The following ABR variants were observed in gnomAD, a reference collection of about 807,000 sequenced individuals.
ABR encodes the protein active breakpoint cluster region-related protein.
A neutral mutation model predicts 107.2 loss-of-function variants in ABR; 35 were observed. The ratio of observed to expected loss-of-function variants is 0.33; its 90% CI spans 0.25 to 0.43. The LOEUF is 0.43. Among genes scored for constraint, ABR ranks in the 20% least tolerant of loss-of-function variants. ABR has a pLI of 1.00. For missense variants in ABR, 815 were observed against 1,115.2 expected (o/e 0.73, Z 3.83); for synonymous variants, 498 against 462.0 (o/e 1.08, Z -1.00).
rs1490723125 is a variant in ABR at position 1,050,279 on chromosome 17, A to C, written c.1660-98T>G. 2.1e-6 allele frequency: 3 copies of C among 1,453,356 alleles called. No homozygotes were observed. Among genetic ancestry groups the C allele is most frequent in the Non-Finnish European group, 2.8e-6 (3 of 1,077,948 alleles). 90.0% of individuals were successfully genotyped at this position (1,453,356 alleles called of 1,614,324 possible). A position where few individuals can be genotyped will look rare whatever the true frequency, so the allele number is the denominator to read the frequency against. ...TCAGCTTTGCAAGGAGGAGGGAGTA[A>C]GCACGGCCCACGAAGGACACGTCAG... On this transcript the variant is annotated intron_variant, in intron 15 of 22. Transcript: ENST00000302538. The surrounding 1 kb of genome is among the most constrained non-coding windows in gnomAD (Gnocchi z 4.6).
chr17:1,145,995 C>G (rs190331124), intron 1 of ABR, among the ~76,000 whole-genome samples: 13 of 152,316 alleles, frequency 8.5e-5, no homozygotes, highest in Non-Finnish European at 1.2e-4. Context: ...TACTGTTGAA[C>G]TGGGCTGTCA....
chr17:1,038,967 G>C (rs4968080), intron 16 of ABR, among the ~76,000 whole-genome samples: 28 of 152,154 alleles, frequency 1.8e-4, no homozygotes, highest in Non-Finnish European at 4.1e-4. Context: ...TGCGGCTTTC[G>C]CCTCGGCGAG....
intron 1 of ABR, among the ~76,000 whole-genome samples, chr17:1,176,448 T>C (rs929013445): frequency 6.6e-6 from 1 of 152,238 alleles, no homozygotes; most frequent in Non-Finnish European, 1.5e-5. Context: ...CTCAGCCATT[T>C]GTTACTTATG....
At chr17:1,205,732 C>T (rs2042775871) in intron 1 of ABR, among the ~76,000 whole-genome samples, 1 of 152,222 alleles carries the variant, frequency 6.6e-6, no homozygotes. Flanking sequence ...ATCACAAGAT[C>T]AAGAGACGGA....
intron 1 of ABR, among the ~76,000 whole-genome samples, chr17:1,204,937 G>A (rs1381661886): frequency 5.3e-5 from 6 of 113,888 alleles, no homozygotes; most frequent in South Asian, 3.0e-4. Context: ...TGAGTCTCGC[G>A]CTATCACCCA....
At chr17:1,189,963 G>A (rs2042396835), upstream of ABR, among the ~76,000 whole-genome samples, 1 of 152,222 alleles carries the variant, frequency 6.6e-6, no homozygotes, top group Admixed American at 6.5e-5. Context: ...GAATGAGGCA[G>A]TACAGGTGTT....
Position 1,037,339 on chromosome 17 carries a change from CCTCTGCCTGACCTCCAGCCTCT to C in ABR, c.1791+12689_1791+12710del, listed in dbSNP as rs1461424790. 6.6e-6 allele frequency among the ~76,000 whole-genome samples: 1 copy of C among 152,174 alleles called. No individual in the cohort carries two copies. The highest frequency in any genetic ancestry group is 1.9e-4 in the East Asian group (1 of 5,184). ...CTGCTTCTCACACAGCTCCAGCCTC[CCTCTGCCTGACCTCCAGCCTCT>C]CTCTGGCCACGTCAGGCTGGTGTCG... On this transcript the variant is annotated intron_variant, in intron 16 of 22. Coordinates refer to ENST00000302538, the MANE Select transcript of ABR (RefSeq NM_021962.5). This position sits in a 1 kb window ranked among gnomAD's most constrained non-coding sequence, Gnocchi z 4.6.
At chr17:1,178,826 T>C (rs1386076990) in intron 1 of ABR, among the ~76,000 whole-genome samples, 1 of 145,284 alleles carries the variant, frequency 6.9e-6, no homozygotes, top group Non-Finnish European at 1.5e-5. Context: ...GCGGTGCCTT[T>C]CTAGCAACGG....
Position 1,171,462 on chromosome 17 carries a change from C to A in ABR, c.61+8205G>T, listed in dbSNP as rs185706644. On this transcript the variant is annotated intron_variant, in intron 1 of 22. Coordinates refer to ENST00000302538, the MANE Select transcript of ABR (RefSeq NM_021962.5). ...CCCGGGGAGTCCAGCAGCCAAGCTG[C>A]CCGGAGTGACAAGGACTCTGAGCTT... 3.7e-3 allele frequency among the ~76,000 whole-genome samples: 562 copies of A among 152,298 alleles called. 3 individuals are homozygous for A. Among genetic ancestry groups the A allele is most frequent in the African/African-American group, 0.013 (532 of 41,562 alleles).
intron 6 of ABR, 86 bp from the exon 7 acceptor site, chr17:1,073,763 C>T (rs977636353): frequency 1.0e-5 from 13 of 1,256,980 alleles, no homozygotes; most frequent in African/African-American, 3.0e-5. Context: ...TCCCCCCACC[C>T]GCATGCTTCC....
At chr17:1,170,013 G>A (rs1006940022) in intron 1 of ABR, among the ~76,000 whole-genome samples, 1 of 137,514 alleles carries the variant, frequency 7.3e-6, no homozygotes, top group African/African-American at 2.8e-5. Flanking sequence ...TGTGTGGGGG[G>A]GGGGTGTGTT....
At chr17:1,072,808 G>T in intron 7 of ABR, 54 bp from the exon 8 acceptor site, 1 of 1,579,202 alleles carries the variant, frequency 6.3e-7, no homozygotes, top group South Asian at 1.2e-5. Flanking sequence ...CCTGATGTGT[G>T]GCCACCGGGG....
chr17:1,097,180 G>A (rs968094174), intron 3 of ABR, among the ~76,000 whole-genome samples: 1 of 152,122 alleles, frequency 6.6e-6, no homozygotes, highest in Non-Finnish European at 1.5e-5. Flanking sequence ...GGGGACAGGC[G>A]CCACTCCCTC....
intron 16 of ABR, among the ~76,000 whole-genome samples, chr17:1,030,162 T>C (rs1281942064): frequency 6.6e-6 from 1 of 152,208 alleles, no homozygotes; most frequent in Non-Finnish European, 1.5e-5. Context: ...AAGGAATTCT[T>C]GAAGGGGCTT....
rs1422389437 is a variant in ABR at position 1,148,303 on chromosome 17, G to C, written c.62-22936C>G. On this transcript the variant is annotated intron_variant, in intron 1 of 22. Transcript: ENST00000302538. The surrounding 1 kb of genome is among the most constrained non-coding windows in gnomAD (Gnocchi z 4.9). ...CCAATTCTGACATCGATGAACCTTG[G>C]GGGCATTAGGCTACGTGAAAGAAGC... 6.6e-6 allele frequency among the ~76,000 whole-genome samples: 1 copy of C among 152,170 alleles called. No homozygotes were observed. The highest frequency in any genetic ancestry group is 1.5e-5 in the Non-Finnish European group (1 of 68,036).
At chr17:1,198,456 G>C (rs950031781) in intron 1 of ABR, among the ~76,000 whole-genome samples, 2 of 151,464 alleles carry the variant, frequency 1.3e-5, no homozygotes, top group African/African-American at 4.9e-5. Flanking sequence ...AAGCTGCCTG[G>C]TTCCGGCCAG....
intron 1 of ABR, among the ~76,000 whole-genome samples, chr17:1,166,229 T>C (rs910214816): frequency 2.0e-5 from 3 of 152,130 alleles, no homozygotes; most frequent in African/African-American, 4.8e-5. Context: ...TCCACGCGGC[T>C]GCAAGGCTGA....
intron 1 of ABR, among the ~76,000 whole-genome samples, chr17:1,204,581 C>G (rs2042751552): frequency 6.6e-6 from 1 of 152,200 alleles, no homozygotes; most frequent in Non-Finnish European, 1.5e-5. Flanking sequence ...CTTTTGTACG[C>G]TTAGACGTGT....
Position 1,078,152 on chromosome 17 carries a change from C to T in ABR, c.700+1178G>A, listed in dbSNP as rs1409425507. ...GTGTGACCTTCACAGAGTAGCTTGC[C>T]ACACCCCTCTCCCGCTGGCCCTGCC... On this transcript the variant is annotated intron_variant, in intron 6 of 22. Coordinates refer to ENST00000302538, the MANE Select transcript of ABR (RefSeq NM_021962.5). This position sits in a 1 kb window ranked among gnomAD's most constrained non-coding sequence, Gnocchi z 7.5. Among the ~76,000 whole-genome samples, 1 of 151,460 alleles carries T rather than the reference C, an allele frequency of 6.6e-6. No individual in the cohort carries two copies. The highest frequency in any genetic ancestry group is 2.4e-5 in the African/African-American group (1 of 41,348).
Sources: allele counts gnomAD v4.1 joint callset (sites outside exome capture counted in the v4.1 genomes callset), GRCh38; gene constraint gnomAD v4.1.1; non-coding constraint Gnocchi (gnomAD v3.1); transcripts MANE v1.5; gene names NCBI Gene and HGNC (gene_info 2026-07-23, HGNC 2026-07-21).